Variants in CTNNA3 observed in about 807,000 individuals in gnomAD.
CTNNA3 encodes catenin alpha-3.
A neutral mutation model predicts 95.7 loss-of-function variants in CTNNA3; 76 were observed. The ratio of observed to expected loss-of-function variants is 0.79; its 90% CI spans 0.66 to 0.96. CTNNA3 has a LOEUF of 0.96. Among genes scored for constraint, CTNNA3 ranks in the 40% least tolerant of loss-of-function variants. The probability of loss-of-function intolerance (pLI) is 0.00; values close to 1 mark genes in which losing one functional copy is unlikely to be tolerated. For missense variants in CTNNA3, 1,191 were observed against 1,089.8 expected (o/e 1.09, Z -1.31); for synonymous variants, 431 against 374.4 (o/e 1.15, Z -1.74).
intron 9 of CTNNA3, among the ~76,000 whole-genome samples, chr10:66,692,877 A>G (rs1847605590): frequency 6.6e-6 from 1 of 152,152 alleles, no homozygotes; most frequent in Admixed American, 6.5e-5. Flanking sequence ...TCATAAGTGA[A>G]GGAGAAATAA....
intron 10 of CTNNA3, among the ~76,000 whole-genome samples, chr10:66,585,016 C>T (rs773993518): frequency 4.6e-5 from 7 of 152,014 alleles, no homozygotes; most frequent in Non-Finnish European, 8.8e-5. Flanking sequence ...ACCCCAATTC[C>T]ATCTGGCTTA....
intron 11 of CTNNA3, among the ~76,000 whole-genome samples, chr10:66,504,466 C>G (rs1323257471): frequency 2.0e-5 from 3 of 152,160 alleles, no homozygotes; most frequent in Non-Finnish European, 4.4e-5. Context: ...AATTTCCTAT[C>G]TAGACCCACT....
At chr10:67,138,313 A>G (rs554661420) in intron 7 of CTNNA3, among the ~76,000 whole-genome samples, 3 of 152,332 alleles carry the variant, frequency 2.0e-5, no homozygotes, top group Admixed American at 6.5e-5. Flanking sequence ...GAACAACATA[A>G]GTGGATATCA....
intron 7 of CTNNA3, among the ~76,000 whole-genome samples, chr10:66,868,504 G>A (rs895012986): frequency 1.3e-5 from 2 of 151,996 alleles, no homozygotes; most frequent in South Asian, 4.1e-4. Context: ...TGTAATCCCA[G>A]CACTTTGGGA....
intron 7 of CTNNA3, among the ~76,000 whole-genome samples, chr10:66,923,673 ATCACTTTCTGATCAACTAAGTTTTC>A (rs1846908455): frequency 6.6e-6 from 1 of 152,204 alleles, no homozygotes; most frequent in African/African-American, 2.4e-5. Context: ...AAAAGTAAAG[ATCACTTTCTGATCAACTAAGTTTTC>A]TCACTTTCTA....
intron 11 of CTNNA3, among the ~76,000 whole-genome samples, chr10:66,515,556 G>C (rs1203016707): frequency 1.3e-5 from 2 of 152,038 alleles, no homozygotes; most frequent in Non-Finnish European, 2.9e-5. Flanking sequence ...CATTGTATTA[G>C]TCCATTCTCA....
Position 67,418,362 on chromosome 10 carries a change from T to C in CTNNA3, c.579+103480A>G, listed in dbSNP as rs138646297. Among the ~76,000 whole-genome samples, 663 of 152,224 alleles carry C rather than the reference T, an allele frequency of 4.4e-3. 1 individual carries two copies. The highest frequency in any genetic ancestry group is 7.6e-3 in the Non-Finnish European group (519 of 67,974). On this transcript the variant is annotated intron_variant, in intron 5 of 17. Coordinates refer to ENST00000433211, the MANE Select transcript of CTNNA3 (RefSeq NM_013266.4). ...TCCAGAAATCCCATTTCTGGGTACA[T>C]ATAACTTTTTGTCAAAGAGATCTGC...
rs747908721 is a variant in CTNNA3 at position 66,341,961 on chromosome 10, GTA to G, written c.1732+37189_1732+37190del. 2.0e-3 allele frequency among the ~76,000 whole-genome samples: 303 copies of G among 150,804 alleles called. 3 individuals are homozygous for G. The East Asian group carries it at 0.024, about 12-fold the overall frequency. ...AGTAGGCATCATTATGTGTGTGTGT[GTA>G]TATATATATATATATTCACATATAT... On this transcript the variant is annotated intron_variant, in intron 12 of 17. Transcript: ENST00000433211.
chr10:67,614,979 G>A (rs1336748976), intron 2 of CTNNA3, among the ~76,000 whole-genome samples: 1 of 152,040 alleles, frequency 6.6e-6, no homozygotes, highest in East Asian at 1.9e-4. Context: ...TTGGATTAGG[G>A]CCCACCCAAA....
At chr10:67,039,470 C>G (rs1854265692) in intron 7 of CTNNA3, among the ~76,000 whole-genome samples, 1 of 152,040 alleles carries the variant, frequency 6.6e-6, no homozygotes, top group Non-Finnish European at 1.5e-5. Context: ...GTCAATTAAT[C>G]CAAGTATATA....
Position 66,860,096 on chromosome 10 carries a change from G to T in CTNNA3, c.1048-84572C>A, listed in dbSNP as rs553541654. ...ATGAGTTAATGGGTGCAGCATACCA[G>T]CATGGCACATGTATACATATGTAAC... On this transcript the variant is annotated intron_variant, in intron 7 of 17. Transcript: ENST00000433211. 1.1e-3 allele frequency among the ~76,000 whole-genome samples: 156 copies of T among 148,150 alleles called. 1 individual carries two copies. The highest frequency in any genetic ancestry group is 3.5e-3 in the Middle Eastern group (1 of 288).
intron 15 of CTNNA3, among the ~76,000 whole-genome samples, chr10:65,990,758 C>T (rs964382999): frequency 6.6e-6 from 1 of 151,720 alleles, no homozygotes; most frequent in African/African-American, 2.4e-5. Context: ...TGTGCAGAAG[C>T]TTTTTAGTTT....
chr10:66,470,865 T>C (rs1031496361), intron 11 of CTNNA3, among the ~76,000 whole-genome samples: 7 of 151,844 alleles, frequency 4.6e-5, no homozygotes, highest in East Asian at 3.9e-4. Flanking sequence ...AAAAAATATG[T>C]ATATCTGAAG....
intron 7 of CTNNA3, among the ~76,000 whole-genome samples, chr10:66,849,767 TC>T (rs1843417159): frequency 1.3e-5 from 2 of 152,248 alleles, no homozygotes; most frequent in South Asian, 2.1e-4. Flanking sequence ...ATTTCAGACT[TC>T]CGGCCTCCAA....
In CTNNA3 at chr10:67,739,948, A is replaced by G. The variant is rs1036463270; in HGVS notation, c.-2+23486T>C. 3.7e-3 allele frequency among the ~76,000 whole-genome samples: 570 copies of G among 152,292 alleles called. 4 individuals carry two copies. The highest frequency in any genetic ancestry group is 0.013 in the African/African-American group (521 of 41,560). On this transcript the variant is annotated intron_variant, in intron 1 of 17. Coordinates refer to the CTNNA3 transcript ENST00000684154. The stretch of plus-strand genomic sequence containing the variant: ...GTAACCAAAACAGCATGGTACTGGT[A>G]CCAAAACAGAGATATAGATCAATGG...
chr10:67,633,948 G>A (rs1839226560), intron 2 of CTNNA3, among the ~76,000 whole-genome samples: 1 of 152,098 alleles, frequency 6.6e-6, no homozygotes, highest in African/African-American at 2.4e-5. Context: ...TAGCAAAACA[G>A]GCCAACATAT....
intron 10 of CTNNA3, among the ~76,000 whole-genome samples, chr10:66,541,202 A>T (rs935903931): frequency 4.6e-5 from 7 of 152,170 alleles, no homozygotes; most frequent in African/African-American, 1.7e-4. Flanking sequence ...GTGTGGCTTC[A>T]ATTATTTTCT....
intron 9 of CTNNA3, among the ~76,000 whole-genome samples, chr10:66,646,306 C>G (rs1299334169): frequency 6.6e-6 from 1 of 152,082 alleles, no homozygotes; most frequent in East Asian, 1.9e-4. Flanking sequence ...AGCATTCCAG[C>G]ACAACGGATG....
At chr10:67,404,462 C>T (rs1845053998) in intron 5 of CTNNA3, among the ~76,000 whole-genome samples, 1 of 151,602 alleles carries the variant, frequency 6.6e-6, no homozygotes, top group South Asian at 2.1e-4. Flanking sequence ...AATCTCAGAG[C>T]TTGAAGAATG....
Sources: allele counts gnomAD v4.1 joint callset (sites outside exome capture counted in the v4.1 genomes callset), GRCh38; gene constraint gnomAD v4.1.1; transcripts MANE v1.5; gene names NCBI Gene and HGNC (gene_info 2026-07-23, HGNC 2026-07-21).